Variants in FADS2 observed in about 807,000 individuals in gnomAD.
FADS2 encodes acyl-CoA 6-desaturase.
FADS2 carries 18 observed loss-of-function variants against 61.2 expected under a neutral mutation model. The observed-to-expected ratio is 0.29, with a 90% CI of 0.20 to 0.44. FADS2 has a LOEUF of 0.44. Among genes scored for constraint, FADS2 ranks in the 20% least tolerant of loss-of-function variants. The pLI is 1.00. For missense variants in FADS2, 322 were observed against 572.7 expected, an observed-to-expected ratio of 0.56 and a Z score of 4.47; for synonymous variants, 203 against 223.9, an observed-to-expected ratio of 0.91 and a Z score of 0.83.
intron 7 of FADS2, among the ~76,000 whole-genome samples, chr11:61,860,269 C>T (rs2067401947): frequency 6.6e-6 from 1 of 152,248 alleles, no homozygotes; most frequent in Non-Finnish European, 1.5e-5. Flanking sequence ...AGCAGCCTGT[C>T]CCAGGTGCCA....
upstream of FADS2, chr11:61,828,293 C>T: frequency 6.7e-6 from 10 of 1,488,734 alleles, no homozygotes; most frequent in Non-Finnish European, 8.0e-6. This position sits in a 1 kb window ranked among gnomAD's most constrained non-coding sequence, Gnocchi z 6.4. Context: ...GCGAAGAGGG[C>T]CCGGGCTGCA....
At chr11:61,846,416 T>A (rs866315792) in intron 4 of FADS2, among the ~76,000 whole-genome samples, 1 of 144,156 alleles carries the variant, frequency 6.9e-6, no homozygotes, top group Non-Finnish European at 1.6e-5. Context: ...GACTTTTTTT[T>A]TTTTTTTCTC....
Position 61,840,651 on chromosome 11 carries a change from T to C in FADS2, c.544T>C (p.Tyr182His). The C allele has an allele frequency of 1.9e-6, 3 of 1,614,210 alleles. No individual in the cohort carries two copies. The highest frequency in any genetic ancestry group is 2.5e-6 in the Non-Finnish European group (3 of 1,180,026). The change falls in exon 4 of 12, where the codon TAT (tyrosine) becomes CAT (histidine). Residue 182 changes from tyrosine to histidine, a missense_variant. This residue lies in a region of FADS2 where 221 missense variants were observed against 427.9 expected (regional missense o/e 0.52). Transcript: ENST00000278840. ...CCAAGCTGGATGGCTGCAACATGAT[T>C]ATGGCCACCTGTCTGTCTACAGAAA... The part of the protein sequence containing the change: ...QAQAGWLQHD[Y>H]GHLSVYRKPK...
intron 4 of FADS2, chr11:61,847,878 C>T (rs2067273361): frequency 1.0e-5 from 4 of 395,314 alleles, no homozygotes; most frequent in South Asian, 4.8e-5. Flanking sequence ...CCTGCTGGAG[C>T]GCTCACCGTG....
At chr11:61,821,257 T>G (rs973631714) in intron 1 of FADS2, 2 of 595,752 alleles carry the variant, frequency 3.4e-6, no homozygotes, top group Non-Finnish European at 6.0e-6. Context: ...CAGTGACTCG[T>G]GCCTATAATC....
chr11:61,816,909 C>T lies in FADS2; in HGVS notation c.141+483C>T. On this transcript the variant is annotated intron_variant, in intron 1 of 11. Transcript: ENST00000257261. The surrounding 1 kb of genome is among the most constrained non-coding windows in gnomAD (Gnocchi z 7.0). Reference sequence around the variant, plus strand: ...CAGCACCGCAGGGCAGACCGGCGGGCCTCGCAGCGCGCGTTCCCATTGGCC... The same window carrying T: ...CAGCACCGCAGGGCAGACCGGCGGGTCTCGCAGCGCGCGTTCCCATTGGCC... 7.1e-7 allele frequency: 1 copy of T among 1,407,162 alleles called. No individual in the cohort carries two copies. The highest frequency in any genetic ancestry group is 1.5e-5 in the South Asian group (1 of 65,264). 87.2% of individuals were successfully genotyped at this position (1,407,162 alleles called of 1,614,324 possible).
intron 5 of FADS2, among the ~76,000 whole-genome samples, chr11:61,848,502 G>A (rs1256054528): frequency 6.6e-6 from 1 of 152,178 alleles, no homozygotes; most frequent in African/African-American, 2.4e-5. Context: ...CATTCAGCCA[G>A]GCAGGTCCAC....
chr11:61,857,669 T>C, intron 7 of FADS2, 139 bp downstream of exon 7: 1 of 695,552 alleles, frequency 1.4e-6, no homozygotes, highest in Non-Finnish European at 2.6e-6. Context: ...GGTAGCTGCC[T>C]CTCAGGAAAG....
intron 1 of FADS2, among the ~76,000 whole-genome samples, chr11:61,821,859 C>T (rs2067038504): frequency 1.3e-5 from 2 of 152,188 alleles, no homozygotes; most frequent in Admixed American, 1.3e-4. Context: ...CTATTAGAGG[C>T]AGAGCGAGAG....
chr11:61,816,262 C>G lies in FADS2; in HGVS notation c.-24C>G. 6.3e-7 allele frequency: 1 copy of G among 1,598,060 alleles called. No homozygotes were observed. Among genetic ancestry groups the G allele is most frequent in the Non-Finnish European group, 8.5e-7 (1 of 1,179,576 alleles). ...CGGGGTTCTGTCCCCGCCCAGAGAC[C>G]TGAGGCTCGGGGCTGCAGATGGAAT... On this transcript the variant is annotated 5_prime_UTR_variant, in exon 1 of 12. Coordinates refer to the FADS2 transcript ENST00000257261. This position sits in a 1 kb window ranked among gnomAD's most constrained non-coding sequence, Gnocchi z 7.0.
intron 7 of FADS2, among the ~76,000 whole-genome samples, chr11:61,861,164 C>T (rs895367759): frequency 3.4e-4 from 52 of 151,644 alleles, no homozygotes; most frequent in African/African-American, 1.1e-3. Context: ...ACCATCCTGG[C>T]GAACACGGTG....
upstream of FADS2, among the ~76,000 whole-genome samples, chr11:61,824,509 A>G (rs58717678): frequency 2.7e-3 from 284 of 104,958 alleles, 17 homozygotes; most frequent in Admixed American, 6.8e-3. Context: ...AAAGGAAAGA[A>G]AGAAAGAAAG....
intron 4 of FADS2, among the ~76,000 whole-genome samples, chr11:61,842,486 C>T (rs1273479606): frequency 2.6e-5 from 4 of 152,234 alleles, no homozygotes; most frequent in Admixed American, 6.5e-5. Flanking sequence ...GGGCAGGGGC[C>T]GGGCAGGGGG....
chr11:61,817,438 G>T (rs377572182), intron 1 of FADS2, among the ~76,000 whole-genome samples: 2 of 152,218 alleles, frequency 1.3e-5, no homozygotes. Context: ...TCTTGGGCTT[G>T]GTGGTGGTTG....
intron 1 of FADS2, among the ~76,000 whole-genome samples, chr11:61,823,167 G>A (rs186734197): frequency 6.6e-6 from 1 of 152,206 alleles, no homozygotes; most frequent in Non-Finnish European, 1.5e-5. Context: ...ATGCAGCAAC[G>A]AAGCACTAGA....
rs755436131 is a variant in FADS2 at position 61,816,508 on chromosome 11, A to G, written c.141+82A>G. 3.1e-6 allele frequency: 5 copies of G among 1,598,602 alleles called. No homozygotes were observed. Among genetic ancestry groups the G allele is most frequent in the Non-Finnish European group, 4.3e-6 (5 of 1,175,602 alleles). On this transcript the variant is annotated intron_variant, in intron 1 of 11. Coordinates refer to the FADS2 transcript ENST00000257261. This position sits in a 1 kb window ranked among gnomAD's most constrained non-coding sequence, Gnocchi z 7.0. Reference sequence around the variant, plus strand: ...GCGTAACTCTGTCTCCCCTGCACTCAGCCTCCGGTCCCGCCCTCTCCTGTG... The same window carrying G: ...GCGTAACTCTGTCTCCCCTGCACTCGGCCTCCGGTCCCGCCCTCTCCTGTG...
chr11:61,832,813 G>A (rs76261748), intron 1 of FADS2, among the ~76,000 whole-genome samples: 9 of 152,316 alleles, frequency 5.9e-5, no homozygotes, highest in East Asian at 1.9e-4. Context: ...GTTCTGGTCC[G>A]CAGGGCTGCC....
intron 4 of FADS2, 134 bp from the exon 5 acceptor site, chr11:61,848,025 G>T: frequency 4.0e-6 from 4 of 999,504 alleles, no homozygotes; most frequent in Non-Finnish European, 6.0e-6. Flanking sequence ...GCTGGATTCT[G>T]GCCTTGTGGG....
chr11:61,841,819 G>A (rs981194572), intron 4 of FADS2, among the ~76,000 whole-genome samples: 1 of 152,130 alleles, frequency 6.6e-6, no homozygotes, highest in African/African-American at 2.4e-5. Context: ...ACCAAACTAC[G>A]GAATGATCAG....
Sources: gnomAD v4.1 joint callset for allele counts (sites outside exome capture counted in the v4.1 genomes callset) on GRCh38, gnomAD v4.1.1 for gene constraint, gnomAD v4.1.1 regional missense constraint, Gnocchi (gnomAD v3.1) non-coding constraint, MANE v1.5 for transcripts, NCBI Gene and HGNC (gene_info 2026-07-23, HGNC 2026-07-21) for gene names.